NAALADL2: variants seen among roughly 807,000 people sequenced by gnomAD.
NAALADL2 encodes inactive N-acetylated-alpha-linked acidic dipeptidase-like protein 2.
Under a neutral mutation model 87.2 loss-of-function variants are expected in NAALADL2, and 76 were observed. The observed-to-expected ratio is 0.87, with a 90% confidence interval of 0.72 to 1.05. The LOEUF (loss-of-function observed/expected upper bound fraction) is 1.05. Among genes scored for constraint, NAALADL2 ranks in the 50% least tolerant of loss-of-function variants. NAALADL2 has a pLI of 0.00. For missense variants in NAALADL2, 1,089 were observed against 945.8 expected (o/e 1.15, Z -1.99); for synonymous variants, 354 against 331.0 (o/e 1.07, Z -0.75).
chr3:175,026,455 G>A (rs1219580582), intron 1 of NAALADL2, among the ~76,000 whole-genome samples: 1 of 145,260 alleles, frequency 6.9e-6, no homozygotes, highest in Admixed American at 6.9e-5. Context: ...GACCAGCCTG[G>A]CCAGCATGGT....
intron 2 of NAALADL2, among the ~76,000 whole-genome samples, chr3:174,695,553 G>A (rs1728946241): frequency 6.6e-6 from 1 of 151,934 alleles, no homozygotes; most frequent in African/African-American, 2.4e-5. Context: ...TATATCACTA[G>A]ATAAGTGTAA....
chr3:174,687,722 C>T (rs1728177558), intron 2 of NAALADL2, among the ~76,000 whole-genome samples: 2 of 151,860 alleles, frequency 1.3e-5, no homozygotes, highest in African/African-American at 2.4e-5. Context: ...GGCTGTATCC[C>T]CACCCAAATC....
intron 9 of NAALADL2, among the ~76,000 whole-genome samples, chr3:175,487,973 C>T (rs1292374401): frequency 1.3e-5 from 2 of 151,916 alleles, no homozygotes; most frequent in Non-Finnish European, 2.9e-5. Context: ...GATTAATAGG[C>T]CAAAACAAAG....
chr3:175,318,461 C>T (rs1397401203), intron 4 of NAALADL2, among the ~76,000 whole-genome samples: 1 of 151,954 alleles, frequency 6.6e-6, no homozygotes, highest in Non-Finnish European at 1.5e-5. Context: ...TAGAAACTTG[C>T]TGTCCAGCGA....
intron 5 of NAALADL2, among the ~76,000 whole-genome samples, chr3:175,342,341 T>A (rs1411164168): frequency 6.6e-6 from 1 of 151,444 alleles, no homozygotes; most frequent in Non-Finnish European, 1.5e-5. Context: ...GGATGGGGAG[T>A]TATGTGAGAT....
chr3:175,029,049 T>TTATATATA (rs57707474), intron 1 of NAALADL2, among the ~76,000 whole-genome samples: 6 of 141,332 alleles, frequency 4.2e-5, no homozygotes, highest in Non-Finnish European at 6.1e-5. Flanking sequence ...TATATTAAAA[T>TTATATATA]TATATATATA....
At chr3:174,996,760 A>C (rs1747519899) in intron 1 of NAALADL2, among the ~76,000 whole-genome samples, 1 of 152,050 alleles carries the variant, frequency 6.6e-6, no homozygotes, top group Non-Finnish European at 1.5e-5. Context: ...CACTGTACCC[A>C]ATATGTAGTC....
In NAALADL2 at chr3:175,691,406, A is replaced by G. The variant is rs529660699; in HGVS notation, c.1897-45900A>G. 2.6e-5 allele frequency among the ~76,000 whole-genome samples: 4 copies of G among 151,626 alleles called. No homozygotes were observed. The South Asian group carries it at 8.3e-4, about 31-fold the overall frequency. On this transcript the variant is annotated intron_variant, in intron 11 of 13. Transcript: ENST00000454872. The stretch of plus-strand genomic sequence containing the variant: ...CACTGTTTTATTTGTGTGTGTGTGT[A>G]TGTATACACACAAAAAATTTCTGTC...
chr3:175,056,593 A>T (rs937361318), intron 1 of NAALADL2, among the ~76,000 whole-genome samples: 23 of 152,170 alleles, frequency 1.5e-4, no homozygotes, highest in Non-Finnish European at 3.1e-4. Context: ...AGAGGTGTGG[A>T]GTGGGAAATC....
At chr3:175,738,370 C>A (rs1273315032) in intron 12 of NAALADL2, among the ~76,000 whole-genome samples, 1 of 152,040 alleles carries the variant, frequency 6.6e-6, no homozygotes, top group African/African-American at 2.4e-5. Context: ...GCCTCAGCCT[C>A]CCAACTAGCT....
In NAALADL2 at chr3:175,156,700, C is replaced by A. The variant is rs74417325; in HGVS notation, c.545+59409C>A. Among the ~76,000 whole-genome samples, 92 of 152,138 alleles carry A rather than the reference C, an allele frequency of 6.0e-4. No homozygotes were observed. In the East Asian group the frequency reaches 0.013, roughly 22 times the overall value. ...TTCAAAAATGCTGACCCTCAGAGGA[C>A]TTCTGGAACTAGCTCATCTAGCAAT... On this transcript the variant is annotated intron_variant, in intron 2 of 13. Coordinates refer to ENST00000454872, the MANE Select transcript of NAALADL2 (RefSeq NM_207015.3).
chr3:175,737,477 C>A (rs2150082752), intron 12 of NAALADL2, 78 bp downstream of exon 12: 1 of 855,318 alleles, frequency 1.2e-6, no homozygotes, highest in South Asian at 1.4e-5. Context: ...TGGATGAAGT[C>A]ATCAATGATC....
chr3:174,472,755 T>C (rs9290500), intron 1 of NAALADL2, among the ~76,000 whole-genome samples: 63,724 of 151,910 alleles, frequency 0.42, 14,438 homozygotes, highest in East Asian at 0.88. Context: ...AGTATCTTGC[T>C]GGCTGTAATA....
intron 5 of NAALADL2, among the ~76,000 whole-genome samples, chr3:175,443,778 T>A (rs1238021536): frequency 6.6e-6 from 1 of 152,180 alleles, no homozygotes; most frequent in African/African-American, 2.4e-5. Context: ...GTCCTTGCTT[T>A]CAAGAATTTA....
intron 5 of NAALADL2, among the ~76,000 whole-genome samples, chr3:175,340,498 C>T (rs1399574973): frequency 6.6e-6 from 1 of 152,142 alleles, no homozygotes; most frequent in Non-Finnish European, 1.5e-5. Flanking sequence ...CACTTCTCTA[C>T]TAGAGGAATG....
chr3:174,865,756 A>G (rs1170922736), intron 1 of NAALADL2, among the ~76,000 whole-genome samples: 1 of 151,912 alleles, frequency 6.6e-6, no homozygotes, highest in Non-Finnish European at 1.5e-5. Context: ...ATGATTTGAA[A>G]TTTCCTTGGC....
chr3:175,604,727 A>G (rs563644668), intron 10 of NAALADL2, among the ~76,000 whole-genome samples: 2 of 152,308 alleles, frequency 1.3e-5, no homozygotes, highest in Admixed American at 6.5e-5. Context: ...ACCACTATCT[A>G]TATAATGCTC....
At chr3:174,869,535 G>A (rs767246597) in intron 1 of NAALADL2, among the ~76,000 whole-genome samples, 1 of 152,084 alleles carries the variant, frequency 6.6e-6, no homozygotes, top group African/African-American at 2.4e-5. Flanking sequence ...TGACAAATTC[G>A]CTGGATTACA....
chr3:175,606,455 G>T (rs1723751246), intron 10 of NAALADL2, among the ~76,000 whole-genome samples: 2 of 151,236 alleles, frequency 1.3e-5, no homozygotes, highest in African/African-American at 4.8e-5. Flanking sequence ...GGGAGAAAGG[G>T]AATAACAAAA....
Sources: gnomAD v4.1 joint callset for allele counts (sites outside exome capture counted in the v4.1 genomes callset) on GRCh38, gnomAD v4.1.1 for gene constraint, MANE v1.5 for transcripts, NCBI Gene and HGNC (gene_info 2026-07-23, HGNC 2026-07-21) for gene names.